Variants in KIF25 observed in about 807,000 individuals in gnomAD.
KIF25 encodes kinesin family member 25.
KIF25 carries 19 observed loss-of-function variants against 32.9 expected under a neutral mutation model. The observed-to-expected ratio is 0.58, with a 90% confidence interval of 0.40 to 0.85. The LOEUF (loss-of-function observed/expected upper bound fraction) is 0.85, where lower values mean the gene tolerates loss of function less well. Ranked by LOEUF, KIF25 falls within the 40% of genes least tolerant of loss-of-function variation. The probability of loss-of-function intolerance (pLI) is 0.00; values close to 1 mark genes in which losing one functional copy is unlikely to be tolerated. For missense variants in KIF25, 485 were observed against 507.0 expected (o/e 0.96, Z 0.42); for synonymous variants, 225 against 213.7 (o/e 1.05, Z -0.46).
At chr6:168,026,640 A>G (rs1476271052) in intron 5 of KIF25, among the ~76,000 whole-genome samples, 1 of 152,148 alleles carries the variant, frequency 6.6e-6, no homozygotes, top group Non-Finnish European at 1.5e-5. Flanking sequence ...TATGAGGGGG[A>G]AAGTTCAATT....
chr6:168,016,333 C>A (rs1451978361), intron 4 of KIF25, among the ~76,000 whole-genome samples: 4 of 152,236 alleles, frequency 2.6e-5, no homozygotes, highest in Admixed American at 2.0e-4. Flanking sequence ...AAATACTCAG[C>A]AGAGACATAA....
In KIF25 at chr6:167,998,132, G is replaced by A. The variant is rs1170876947; in HGVS notation, c.-1337G>A. ...AAGGGAGATATCAGTGAAGCACCTG[G>A]CACTTCAGAAAGTCTCACTACGCTG... On this transcript the variant is annotated 5_prime_UTR_variant, in exon 1 of 13. Coordinates refer to ENST00000643607, the MANE Select transcript of KIF25 (RefSeq NM_030615.4). The A allele has an allele frequency of 6.6e-6, 1 of 150,938 alleles. No individual in the cohort carries two copies. The highest frequency in any genetic ancestry group is 2.4e-5 in the African/African-American group (1 of 41,066). The allele number at this position is 150,938 out of a possible 1,614,324, so 9.3% of individuals were successfully genotyped here.
intron 5 of KIF25, among the ~76,000 whole-genome samples, chr6:168,021,090 A>AAGAC (rs765766321): frequency 6.6e-6 from 1 of 152,244 alleles, no homozygotes; most frequent in South Asian, 2.1e-4. Flanking sequence ...TAAAATCATT[A>AAGAC]AGACAGCGTG....
rs1241057727 is a variant in KIF25, at chr6:168,033,899, T to C, written c.185T>C (p.Met62Thr). The part of the protein sequence containing the change: ...SLLDGYNVCV[M>T]AYGQTGSGKS... ...AATTTTAGGTACAATGTTTGTGTTA[T>C]GGCGTATGGACAGACGGGCAGCGGA... The change falls in exon 8 of 13, where the codon ATG (methionine) becomes ACG (threonine). Residue 62 changes from methionine to threonine, a missense_variant. Met to Thr is a moderately conservative substitution (Grantham distance 81). Around this residue, in one of 2 missense-constraint regions of KIF25, gnomAD observed 480 missense variants for 470.3 expected, o/e 1.02. Transcript: ENST00000643607. 3 of 1,614,084 alleles carry C rather than the reference T, an allele frequency of 1.9e-6. No individual in the cohort carries two copies. The highest frequency in any genetic ancestry group is 2.7e-5 in the African/African-American group (2 of 75,052).
chr6:168,024,834 T>A (rs1184641561), intron 5 of KIF25, among the ~76,000 whole-genome samples: 1 of 152,116 alleles, frequency 6.6e-6, no homozygotes, highest in African/African-American at 2.4e-5. Context: ...GTGGATCACC[T>A]GAGGTCAGGA....
At chr6:168,042,859 C>A in intron 12 of KIF25, 143 bp downstream of exon 12, 1 of 968,292 alleles carries the variant, frequency 1.0e-6, no homozygotes, top group Non-Finnish European at 1.5e-6. Context: ...GCTGGCACTC[C>A]CACGGCACGG....
chr6:168,021,990 TTTTG>T (rs1307336486), intron 5 of KIF25, among the ~76,000 whole-genome samples: 1 of 152,224 alleles, frequency 6.6e-6, no homozygotes, highest in East Asian at 1.9e-4. Flanking sequence ...TTGCTGAGTT[TTTTG>T]TTTGTTTTAT....
chr6:168,003,943 A>G (rs1219995306), intron 4 of KIF25, among the ~76,000 whole-genome samples: 1 of 152,190 alleles, frequency 6.6e-6, no homozygotes, highest in Non-Finnish European at 1.5e-5. Flanking sequence ...CAAATGATCA[A>G]TCAGTGCAAA....
At chr6:168,005,931 G>A (rs997827871) in intron 4 of KIF25, among the ~76,000 whole-genome samples, 11 of 152,134 alleles carry the variant, frequency 7.2e-5, no homozygotes, top group Non-Finnish European at 1.5e-4. Context: ...GTTGACGCTC[G>A]GTATTAACCA....
chr6:168,010,027 T>A (rs982485820), intron 4 of KIF25, among the ~76,000 whole-genome samples: 9 of 151,996 alleles, frequency 5.9e-5, no homozygotes, highest in African/African-American at 2.2e-4. Flanking sequence ...TTTGTTTCAT[T>A]GATCTTCTGT....
Position 168,038,688 on chromosome 6 carries a change from A to G in KIF25, c.453A>G (p.Thr151=). The change falls in exon 9 of 13, where the codon ACA becomes ACG. Residue 151 remains threonine, a synonymous_variant. Transcript: ENST00000643607. ...AVSGVKREVV[T]AKDGRTEVAL... ...CGGGGGTCAAGCGTGAGGTGGTGAC[A>G]GCCAAGGATGGACGGACAGAGGTTG... is the stretch of plus-strand genomic sequence containing the variant. 6.2e-7 allele frequency: 1 copy of G among 1,614,190 alleles called. No homozygotes were observed. Among genetic ancestry groups the G allele is most frequent in the East Asian group, 2.2e-5 (1 of 44,882 alleles).
Position 168,040,177 on chromosome 6 carries a change from A to G in KIF25, c.607A>G (p.Thr203Ala), listed in dbSNP as rs1202107609. The G allele has an allele frequency of 6.2e-7, 1 of 1,613,934 alleles. No homozygotes were observed. Among genetic ancestry groups the G allele is most frequent in the Non-Finnish European group, 8.5e-7 (1 of 1,179,962 alleles). Reference protein sequence around the residue: ...ADSSRSHLIITVTLTTASCSD... With the variant: ...ADSSRSHLIIAVTLTTASCSD... ...TTCCTCCAGGTCTCACCTGATAATT[A>G]CGGTGACTCTAACCACAGCCTCCTG... Residue 203 changes from threonine (T) to alanine (A), a missense_variant, in exon 10 of 13, where the codon ACG (threonine) becomes GCG (alanine). Physicochemically the swap from Thr to Ala is moderately conservative, Grantham distance 58. Around this residue, in one of 2 missense-constraint regions of KIF25, gnomAD observed 480 missense variants for 470.3 expected, o/e 1.02. Transcript: ENST00000643607.
chr6:168,022,206 G>A (rs894872397), intron 5 of KIF25, among the ~76,000 whole-genome samples: 1 of 151,940 alleles, frequency 6.6e-6, no homozygotes, highest in African/African-American at 2.4e-5. Flanking sequence ...TGAGATGATC[G>A]CCTTCCTTGT....
intron 4 of KIF25, among the ~76,000 whole-genome samples, chr6:168,004,424 C>A (rs1029974849): frequency 1.1e-4 from 17 of 152,050 alleles, no homozygotes; most frequent in African/African-American, 4.1e-4. Context: ...TTAAAAAGAC[C>A]TCACATTAAT....
chr6:168,017,703 TCTC>T (rs1260271113), intron 4 of KIF25, among the ~76,000 whole-genome samples: 2 of 152,090 alleles, frequency 1.3e-5, no homozygotes, highest in African/African-American at 4.8e-5. Flanking sequence ...ACTTTCTTCT[TCTC>T]TTTATGGGGG....
chr6:168,034,753 C>T (rs1380672795), intron 8 of KIF25, among the ~76,000 whole-genome samples: 1 of 152,190 alleles, frequency 6.6e-6, no homozygotes, highest in East Asian at 1.9e-4. Flanking sequence ...GTCCAGCCAA[C>T]ATGGCCTGCG....
At chr6:168,022,307 A>T (rs907449048) in intron 5 of KIF25, among the ~76,000 whole-genome samples, 4 of 152,172 alleles carry the variant, frequency 2.6e-5, no homozygotes, top group Admixed American at 6.5e-5. Context: ...ACTTCCATTT[A>T]ACCCATCTGT....
rs78905452 is a variant in KIF25 at position 168,029,392 on chromosome 6, C to T, written c.-94-100C>T. ...ACTTAACTAGACAATTAAGGAAATGCGAACACTGACTTTTGGATGGTGTTA... is the reference window on the plus strand; with the variant it reads ...ACTTAACTAGACAATTAAGGAAATGTGAACACTGACTTTTGGATGGTGTTA... On this transcript the variant is annotated intron_variant, in intron 5 of 12. Coordinates refer to ENST00000643607, the MANE Select transcript of KIF25 (RefSeq NM_030615.4). 1.1e-3 allele frequency: 861 copies of T among 804,530 alleles called. 6 individuals are homozygous for T. In the African/African-American group the frequency reaches 0.014, roughly 13 times the overall value. The allele number at this position is 804,530 out of a possible 1,614,324, so 49.8% of individuals were successfully genotyped here. A position where few individuals can be genotyped will look rare whatever the true frequency, so the allele number is the denominator to read the frequency against.
chr6:168,036,817 T>G (rs1799031872), intron 8 of KIF25, among the ~76,000 whole-genome samples: 1 of 152,178 alleles, frequency 6.6e-6, no homozygotes, highest in South Asian at 2.1e-4. Context: ...ATCCCATAAC[T>G]TTGGGAGGCT....
Sources: gnomAD v4.1 joint callset for allele counts (sites outside exome capture counted in the v4.1 genomes callset) on GRCh38, gnomAD v4.1.1 for gene constraint, gnomAD v4.1.1 regional missense constraint, MANE v1.5 for transcripts, NCBI Gene and HGNC (gene_info 2026-07-23, HGNC 2026-07-21) for gene names.